The following SYNJ1 variants were observed in gnomAD, a reference collection of about 807,000 sequenced individuals.
SYNJ1 encodes polyphosphatidylinositol phosphatase SYNJ1.
A neutral mutation model predicts 168.2 loss-of-function variants in SYNJ1; 78 were observed. The ratio of observed to expected loss-of-function variants is 0.46; its 90% CI spans 0.39 to 0.56. The LOEUF is 0.56. Among genes scored for constraint, SYNJ1 ranks in the 20% least tolerant of loss-of-function variants. The probability of loss-of-function intolerance (pLI) is 0.00; values close to 1 mark genes in which losing one functional copy is unlikely to be tolerated. For missense variants in SYNJ1, 1,303 were observed against 1,597.6 expected (o/e 0.82, Z 3.14); for synonymous variants, 539 against 548.6 (o/e 0.98, Z 0.24).
intron 14 of SYNJ1, among the ~76,000 whole-genome samples, chr21:32,673,087 A>C (rs2041267578): frequency 6.6e-6 from 1 of 152,154 alleles, no homozygotes; most frequent in African/African-American, 2.4e-5. Context: ...CTATTTCCTG[A>C]GAATCAATTA....
intron 2 of SYNJ1, among the ~76,000 whole-genome samples, chr21:32,710,667 A>C (rs189159680): frequency 6.6e-6 from 1 of 152,224 alleles, no homozygotes; most frequent in East Asian, 1.9e-4. Context: ...TGGGATTATA[A>C]GTGTGAGCCA....
At chr21:32,711,256 C>A (rs2042818528) in intron 2 of SYNJ1, among the ~76,000 whole-genome samples, 1 of 152,016 alleles carries the variant, frequency 6.6e-6, no homozygotes, top group African/African-American at 2.4e-5. Flanking sequence ...CAATTGTTCT[C>A]TATCAAAATT....
chr21:32,660,273 TG>T (rs2040638829), intron 18 of SYNJ1, among the ~76,000 whole-genome samples: 1 of 152,242 alleles, frequency 6.6e-6, no homozygotes, highest in African/African-American at 2.4e-5. Flanking sequence ...AACTAACCCT[TG>T]GGCAAAACCT....
chr21:32,674,980 C>A (rs1382230249), intron 13 of SYNJ1, among the ~76,000 whole-genome samples: 3 of 152,088 alleles, frequency 2.0e-5, no homozygotes, highest in Non-Finnish European at 4.4e-5. Context: ...AGATTTCTCA[C>A]CACCTAGCTG....
At chr21:32,696,845 A>T (rs901365424) in intron 4 of SYNJ1, among the ~76,000 whole-genome samples, 2 of 152,184 alleles carry the variant, frequency 1.3e-5, no homozygotes, top group Admixed American at 1.3e-4. Flanking sequence ...CGGGAATATA[A>T]ATGAGTGATG....
At position 32,650,343 on chromosome 21, in the gene SYNJ1, A is replaced by G; in HGVS notation, c.2878T>C (p.Leu960=). The change falls in exon 23 of 33, where the codon TTG becomes CTG. Residue 960 remains leucine, a synonymous_variant. Coordinates refer to ENST00000674351, the MANE Select transcript of SYNJ1 (RefSeq NM_203446.3). ...NVLSLNGKEL[L]NRTITIALKS... ...AAAGCAATAGTTATAGTCCGATTCA[A>G]TAACTAGCGGAGTAAAAGAGATATA... is the stretch of plus-strand genomic sequence containing the variant. 1 of 1,604,030 alleles carries G rather than the reference A, an allele frequency of 6.2e-7. No homozygotes were observed. The highest frequency in any genetic ancestry group is 1.1e-5 in the South Asian group (1 of 88,468).
At chr21:32,633,346 C>T (rs2039426283) in intron 32 of SYNJ1, among the ~76,000 whole-genome samples, 1 of 151,982 alleles carries the variant, frequency 6.6e-6, no homozygotes, top group Non-Finnish European at 1.5e-5. Flanking sequence ...TGGAGCACAG[C>T]CAAGGGACTG....
rs773125022 is a variant in SYNJ1 at position 32,657,884 on chromosome 21, AT to A, written c.2305-13del. The A allele has an allele frequency of 6.2e-7, 1 of 1,602,436 alleles. No individual in the cohort carries two copies. The highest frequency in any genetic ancestry group is 1.7e-5 in the Admixed American group (1 of 57,908). On this transcript the variant is annotated splice_polypyrimidine_tract_variant and intron_variant, in intron 18 of 32. Coordinates refer to ENST00000674351, the MANE Select transcript of SYNJ1 (RefSeq NM_203446.3). ...AATCCTCTAAAAACCTAAAATAAACATATACAAAGTAAGTTATTCCCAAACA... is the reference window on the plus strand; with the variant it reads ...AATCCTCTAAAAACCTAAAATAAACAATACAAAGTAAGTTATTCCCAAACA...
chr21:32,678,323 C>A (rs1051971195), intron 12 of SYNJ1, among the ~76,000 whole-genome samples: 1 of 152,138 alleles, frequency 6.6e-6, no homozygotes, highest in Non-Finnish European at 1.5e-5. Context: ...TTATTAAATG[C>A]TGTATTACAA....
intron 2 of SYNJ1, among the ~76,000 whole-genome samples, chr21:32,715,486 A>C (rs1193359256): frequency 6.6e-6 from 1 of 152,112 alleles, no homozygotes; most frequent in Non-Finnish European, 1.5e-5. Flanking sequence ...AAAAAAAAAA[A>C]ATTGAAAAAA....
chr21:32,682,093 A>T (rs925601774), intron 10 of SYNJ1, among the ~76,000 whole-genome samples: 2 of 152,222 alleles, frequency 1.3e-5, no homozygotes, highest in Non-Finnish European at 1.5e-5. Flanking sequence ...GTTGCTCTTA[A>T]ATTGTCACAA....
intron 6 of SYNJ1, among the ~76,000 whole-genome samples, chr21:32,693,861 G>A (rs2042113032): frequency 6.6e-6 from 1 of 152,104 alleles, no homozygotes; most frequent in African/African-American, 2.4e-5. Flanking sequence ...AAGAAGTCTG[G>A]TTCCCAAGGC....
In SYNJ1 at chr21:32,726,687, G is replaced by A; in HGVS notation, c.124+85C>T. ...GGAAATACAGTGAAAGGGTTGTCGG[G>A]CTCTTTTCTAAAAAATGGTTGCATC... is the stretch of plus-strand genomic sequence containing the variant. On this transcript the variant is annotated intron_variant, in intron 2 of 32. Transcript: ENST00000674351. 5 of 1,514,440 alleles carry A rather than the reference G, an allele frequency of 3.3e-6. No homozygotes were observed. The South Asian group carries it at 6.1e-5, about 19-fold the overall frequency. The allele number at this position is 1,514,440 out of a possible 1,614,324, so 93.8% of individuals were successfully genotyped here.
intron 32 of SYNJ1, among the ~76,000 whole-genome samples, chr21:32,633,895 G>GTACT (rs1455163154): frequency 6.6e-6 from 1 of 152,132 alleles, no homozygotes; most frequent in Non-Finnish European, 1.5e-5. Context: ...ACTTTAAACT[G>GTACT]TACTCTAAAT....
chr21:32,657,182 CA>C (rs2040492821), intron 19 of SYNJ1, 62 bp from the exon 20 acceptor site: 1 of 1,115,686 alleles, frequency 9.0e-7, no homozygotes, highest in Non-Finnish European at 1.3e-6. Flanking sequence ...TCGTGTAGAG[CA>C]AAGAGGCATT....
chr21:32,641,011 G>C (rs1383152670), intron 29 of SYNJ1, among the ~76,000 whole-genome samples: 1 of 151,170 alleles, frequency 6.6e-6, no homozygotes, highest in African/African-American at 2.4e-5. Context: ...CCCTTTTTTT[G>C]AAAAAAGGAG....
intron 8 of SYNJ1, among the ~76,000 whole-genome samples, chr21:32,686,254 T>TTTC (rs2041834255): frequency 1.3e-5 from 2 of 152,178 alleles, no homozygotes; most frequent in African/African-American, 2.4e-5. Flanking sequence ...TACATACAAA[T>TTTC]ATTCTTAAAT....
intron 2 of SYNJ1, among the ~76,000 whole-genome samples, chr21:32,726,041 C>T (rs536286837): frequency 1.4e-4 from 22 of 152,214 alleles, no homozygotes; most frequent in African/African-American, 4.8e-4. Context: ...GGTTTCACCA[C>T]GCTGCCCAGA....
chr21:32,724,285 C>G (rs915092592), intron 2 of SYNJ1, among the ~76,000 whole-genome samples: 1 of 152,110 alleles, frequency 6.6e-6, no homozygotes, highest in Non-Finnish European at 1.5e-5. Context: ...GTCAGGAGTT[C>G]AAGACCAGCC....
Sources: allele counts gnomAD v4.1 joint callset (sites outside exome capture counted in the v4.1 genomes callset), GRCh38; gene constraint gnomAD v4.1.1; transcripts MANE v1.5; gene names NCBI Gene and HGNC (gene_info 2026-07-23, HGNC 2026-07-21).